Variants in USP7 observed in about 807,000 individuals in gnomAD.
The protein encoded by USP7 is ubiquitin C-terminal hydrolase 7.
Under a neutral mutation model 162.9 loss-of-function variants are expected in USP7, and 9 were observed. That is an observed-to-expected ratio of 0.06 (90% CI 0.03 to 0.10). USP7 has a LOEUF of 0.10. USP7 is among the 10% of genes least tolerant of loss of function. USP7 has a pLI of 1.00. For missense variants in USP7, 715 were observed against 1,373.7 expected (o/e 0.52, Z 7.58); for synonymous variants, 562 against 475.9 (o/e 1.18, Z -2.35).
chr16:8,904,589 T>C, intron 14 of USP7, 24 bp from the exon 15 acceptor site: 1 of 1,612,340 alleles, frequency 6.2e-7, no homozygotes, highest in Non-Finnish European at 8.5e-7. Context: ...GCATCCTCTT[T>C]GACCCCTGCA....
At chr16:8,934,606 G>A (rs1161799286) in intron 1 of USP7, among the ~76,000 whole-genome samples, 6 of 152,200 alleles carry the variant, frequency 3.9e-5, no homozygotes, top group East Asian at 1.9e-4. Flanking sequence ...CCTTGAAAAC[G>A]CAAAGCAAGC....
intron 1 of USP7, chr16:8,936,562 C>CAACCTGAA: frequency 6.5e-7 from 1 of 1,527,132 alleles, no homozygotes. Flanking sequence ...ATAAGGAGCT[C>CAACCTGAA]AACCTGAAAA....
intron 1 of USP7, among the ~76,000 whole-genome samples, chr16:8,949,294 G>C (rs754687512): frequency 1.3e-5 from 2 of 152,176 alleles, no homozygotes; most frequent in Non-Finnish European, 2.9e-5. Context: ...TTAACATCGT[G>C]GCACGTTCCA....
At chr16:8,910,697 TAAAG>T in intron 11 of USP7, 44 bp downstream of exon 11, 1 of 1,534,918 alleles carries the variant, frequency 6.5e-7, no homozygotes, top group Non-Finnish European at 8.9e-7. Flanking sequence ...GAATTGAAAA[TAAAG>T]AAGAACGCTA....
At chr16:8,901,937 A>G (rs2061781271) in intron 18 of USP7, 145 bp downstream of exon 18, 1 of 709,622 alleles carries the variant, frequency 1.4e-6, no homozygotes, top group African/African-American at 1.8e-5. Context: ...ATTTGACTTC[A>G]TCAGGAAGTC....
Position 8,902,502 on chromosome 16 carries a change from T to C in USP7, c.1840-20A>G. On this transcript the variant is annotated intron_variant, in intron 16 of 30. Transcript: ENST00000344836. The stretch of plus-strand genomic sequence containing the variant: ...AAATCCCTGAAAAAAATATTAAGAG[T>C]AGATTAAAATAAAAACACGCTCATA... 2 of 1,603,972 alleles carry C rather than the reference T, an allele frequency of 1.2e-6. No individual in the cohort carries two copies. The highest frequency in any genetic ancestry group is 1.7e-4 in the Middle Eastern group (1 of 5,844).
chr16:8,916,996 G>A lies in USP7; in HGVS notation c.851+30C>T, dbSNP rs951951646. The A allele has an allele frequency of 2.7e-6, 4 of 1,493,056 alleles. No individual in the cohort carries two copies. The African/African-American group carries it at 4.4e-5, about 16-fold the overall frequency. 92.5% of individuals were successfully genotyped at this position (1,493,056 alleles called of 1,614,324 possible). On this transcript the variant is annotated intron_variant, in intron 7 of 30. Transcript: ENST00000344836. ...AAAAAAAAAAAAAAAAGAGGAAGCA[G>A]AATGGCAAAGGCAGATGTCTAATAC...
intron 13 of USP7, among the ~76,000 whole-genome samples, chr16:8,905,854 A>C (rs2061850993): frequency 6.6e-6 from 1 of 152,198 alleles, no homozygotes; most frequent in Admixed American, 6.5e-5. Flanking sequence ...AGCCACATTA[A>C]ACAGTGATGA....
intron 1 of USP7, among the ~76,000 whole-genome samples, chr16:8,957,180 C>T (rs998137956): frequency 2.6e-5 from 4 of 152,232 alleles, no homozygotes; most frequent in African/African-American, 4.8e-5. Context: ...CATCTGACTT[C>T]TCATTAGCTG....
chr16:8,897,717 A>AT, intron 25 of USP7, among the ~76,000 whole-genome samples: 2 of 61,400 alleles, frequency 3.3e-5, no homozygotes, highest in Non-Finnish European at 6.4e-5. Context: ...AAAAAAAAAA[A>AT]AAAAAAAAAA....
chr16:8,898,216 G>A (rs957069044), intron 25 of USP7, 144 bp downstream of exon 25: 54 of 707,590 alleles, frequency 7.6e-5, no homozygotes, highest in Admixed American at 1.1e-4. Flanking sequence ...AGGAAAGACT[G>A]GCCCAGGGCT....
intron 10 of USP7, among the ~76,000 whole-genome samples, chr16:8,912,451 A>G (rs1364214597): frequency 6.8e-6 from 1 of 147,402 alleles, no homozygotes; most frequent in Non-Finnish European, 1.5e-5. Flanking sequence ...CTCCATGTCA[A>G]AAAAAAAAAA....
intron 1 of USP7, among the ~76,000 whole-genome samples, chr16:8,960,520 C>T (rs1342463001): frequency 6.6e-6 from 1 of 152,228 alleles, no homozygotes; most frequent in African/African-American, 2.4e-5. Flanking sequence ...CAGGCTCCTT[C>T]GAAACCACTC....
Position 8,898,512 on chromosome 16 carries a change from C to T in USP7, c.2640+19G>A, listed in dbSNP as rs748756838. ...GCCTTCTCTTTATGACCCATAGTTACATTAATTTGGACTCATACCTGCTGA... is the reference window on the plus strand; with the variant it reads ...GCCTTCTCTTTATGACCCATAGTTATATTAATTTGGACTCATACCTGCTGA... On this transcript the variant is annotated intron_variant, in intron 24 of 30. Coordinates refer to ENST00000344836, the MANE Select transcript of USP7 (RefSeq NM_003470.3). 14 of 1,605,580 alleles carry T rather than the reference C, an allele frequency of 8.7e-6. No homozygotes were observed. The Admixed American group carries it at 2.4e-4, about 27-fold the overall frequency.
At chr16:8,894,395 G>A (rs1230104210) in intron 30 of USP7, among the ~76,000 whole-genome samples, 155 bp downstream of exon 30, 1 of 152,142 alleles carries the variant, frequency 6.6e-6, no homozygotes, top group East Asian at 1.9e-4. Context: ...TTAAGAACTC[G>A]TAGGTTATGG....
intron 1 of USP7, chr16:8,962,423 C>G (rs1192847688): frequency 4.7e-6 from 2 of 422,130 alleles, no homozygotes; most frequent in Non-Finnish European, 9.7e-6. Context: ...CTCTATACCT[C>G]AAACTACAGT....
intron 3 of USP7, 95 bp from the exon 4 acceptor site, chr16:8,921,390 TTA>T (rs1355375882): frequency 2.0e-5 from 28 of 1,406,712 alleles, no homozygotes; most frequent in Non-Finnish European, 2.0e-5. Flanking sequence ...AAATTCCCAT[TTA>T]TGATTTCATT....
chr16:8,940,301 G>T (rs1266912955), intron 1 of USP7, among the ~76,000 whole-genome samples: 2 of 152,160 alleles, frequency 1.3e-5, no homozygotes, highest in Non-Finnish European at 1.5e-5. Context: ...TTGTCCAATG[G>T]CAAATGTCAA....
At chr16:8,962,389 C>A (rs1022822555) in intron 1 of USP7, 13 of 287,164 alleles carry the variant, frequency 4.5e-5, no homozygotes, top group South Asian at 3.5e-4. Flanking sequence ...ACAGCGTCTT[C>A]ACATCCAACC....
Sources: gnomAD v4.1 joint callset for allele counts (sites outside exome capture counted in the v4.1 genomes callset) on GRCh38, gnomAD v4.1.1 for gene constraint, MANE v1.5 for transcripts, NCBI Gene and HGNC (gene_info 2026-07-23, HGNC 2026-07-21) for gene names.